The following STARD9 variants were observed in gnomAD, a reference collection of about 807,000 sequenced individuals.
STARD9 encodes StAR related lipid transfer domain containing 9.
A neutral mutation model predicts 399.8 loss-of-function variants in STARD9; 346 were observed. The observed-to-expected ratio is 0.87, with a 90% CI of 0.79 to 0.95. The LOEUF is 0.95. STARD9 is among the 40% of genes least tolerant of loss of function. The probability of loss-of-function intolerance (pLI) is 0.00; values close to 1 mark genes in which losing one functional copy is unlikely to be tolerated. For synonymous variants in STARD9, 2,203 were observed against 2,143.5 expected, an observed-to-expected ratio of 1.03 and a Z score of -0.77; for missense variants, 5,832 against 5,667.5, an observed-to-expected ratio of 1.03 and a Z score of -0.93.
In STARD9 at chr15:42,685,749, G is replaced by T. The variant is rs1235138729; in HGVS notation, c.4171G>T (p.Val1391Phe). The change falls in exon 23 of 33, where the codon GTT becomes TTT. Residue 1391 changes from valine (V) to phenylalanine (F), a missense_variant. Around this residue, in one of 2 missense-constraint regions of STARD9, gnomAD observed 5,828 missense variants for 5,651.1 expected, o/e 1.03. Coordinates refer to ENST00000290607, the MANE Select transcript of STARD9 (RefSeq NM_020759.3). ...ACTAAAGCCATCAGATGCAGAAACG[G>T]TTCTGCCATATAGCTCCAAACTGCA... Reference protein sequence around the residue: ...EELKPSDAETVLPYSSKLHQG... With the variant: ...EELKPSDAETFLPYSSKLHQG... The T allele has an allele frequency of 6.5e-7, 1 of 1,537,390 alleles. No homozygotes were observed. Among genetic ancestry groups the T allele is most frequent in the Non-Finnish European group, 8.7e-7 (1 of 1,146,944 alleles).
intron 3 of STARD9, among the ~76,000 whole-genome samples, chr15:42,590,108 G>A (rs2058365542): frequency 6.6e-6 from 1 of 151,754 alleles, no homozygotes; most frequent in East Asian, 1.9e-4. Flanking sequence ...CTACAGATAC[G>A]TGTGCCACCA....
chr15:42,694,000 A>G lies in STARD9; in HGVS notation c.12422A>G (p.Lys4141Arg). The change falls in exon 23 of 33, where the codon AAA (lysine) becomes AGA (arginine). Residue 4141 changes from lysine to arginine, a missense_variant. By Grantham distance (26) the Lys-to-Arg change is conservative (BLOSUM62 2). Coordinates refer to ENST00000290607, the MANE Select transcript of STARD9 (RefSeq NM_020759.3). Reference sequence around the variant, plus strand: ...CTGAGGGACCTCCCGGTGCATAACAAATTTAGTAACTGGTGTGGGGTTCAG... The same window carrying G: ...CTGAGGGACCTCCCGGTGCATAACAGATTTAGTAACTGGTGTGGGGTTCAG... ...HSLRDLPVHN[K>R]FSNWCGVQKG... is the part of the protein sequence containing the mutation. 6.6e-7 allele frequency: 1 copy of G among 1,517,994 alleles called. No homozygotes were observed. The highest frequency in any genetic ancestry group is 8.8e-7 in the Non-Finnish European group (1 of 1,136,538). 94.0% of individuals were successfully genotyped at this position (1,517,994 alleles called of 1,614,324 possible).
intron 16 of STARD9, among the ~76,000 whole-genome samples, chr15:42,673,718 G>A (rs1056939963): frequency 1.3e-5 from 2 of 152,110 alleles, no homozygotes; most frequent in Non-Finnish European, 2.9e-5. Context: ...TTAGCATCCC[G>A]GTTGCCATGT....
chr15:42,673,235 C>G (rs1382641265), intron 16 of STARD9: 1 of 152,146 alleles, frequency 6.6e-6, no homozygotes, highest in Non-Finnish European at 1.5e-5. Flanking sequence ...AACCCTGTCT[C>G]TACTAAAAAT....
At chr15:42,669,754 C>G (rs1469736654) in intron 16 of STARD9, 1 of 155,312 alleles carries the variant, frequency 6.4e-6, no homozygotes, top group Non-Finnish European at 1.4e-5. Flanking sequence ...ACAGACTGCT[C>G]AAAGGTGGCT....
intron 10 of STARD9, among the ~76,000 whole-genome samples, chr15:42,661,788 A>G (rs1207235118): frequency 6.6e-6 from 1 of 152,000 alleles, no homozygotes; most frequent in Non-Finnish European, 1.5e-5. Flanking sequence ...CCCCATACCT[A>G]CATCTCAGAT....
intron 3 of STARD9, among the ~76,000 whole-genome samples, chr15:42,626,426 T>C (rs370116985): frequency 2.9e-4 from 42 of 147,178 alleles, no homozygotes; most frequent in East Asian, 8.4e-4. Context: ...CCTCCTCCTC[T>C]TCTTCTTCTT....
chr15:42,586,328 A>G (rs2058276655), intron 3 of STARD9, among the ~76,000 whole-genome samples: 1 of 152,250 alleles, frequency 6.6e-6, no homozygotes, highest in South Asian at 2.1e-4. Context: ...GAATCTTATC[A>G]ATCTGCTGTT....
rs780123175 is a variant in STARD9 at position 42,634,961 on chromosome 15, C to A, written c.340C>A (p.Leu114Met). 5.9e-5 allele frequency: 91 copies of A among 1,530,880 alleles called. No individual in the cohort carries two copies. The highest frequency in any genetic ancestry group is 7.6e-5 in the Non-Finnish European group (87 of 1,141,938). The allele number at this position is 1,530,880 out of a possible 1,614,324, so 94.8% of individuals were successfully genotyped here. A position where few individuals can be genotyped will look rare whatever the true frequency, so the allele number is the denominator to read the frequency against. Residue 114 changes from leucine (L) to methionine (M), a missense_variant, in exon 4 of 33, where the codon CTG (leucine) becomes ATG (methionine). Coordinates refer to ENST00000290607, the MANE Select transcript of STARD9 (RefSeq NM_020759.3). Reference protein sequence around the residue: ...QTGSGKTYTMLGTPASVGLTP... With the variant: ...QTGSGKTYTMMGTPASVGLTP... ...AGGCTCTGGGAAGACATATACCATG[C>A]TGGGGACCCCAGTGAGTATTACAAT...
rs570324067 is a variant in STARD9 at position 42,682,276 on chromosome 15, G to A, written c.2238G>A (p.Val746=). The A allele has an allele frequency of 4.2e-4, 648 of 1,537,250 alleles. 4 individuals are homozygous for A. Among genetic ancestry groups the A allele is most frequent in the South Asian group, 2.0e-3 (168 of 84,062 alleles). The part of the protein sequence containing the change: ...SPFVQSQKRV[V]HLQLLRRHTL... ...TTGTCCAAAGTCAGAAAAGGGTGGTGCACCTGCAGCTCCTGCGGAGACACA... is the reference window on the plus strand; with the variant it reads ...TTGTCCAAAGTCAGAAAAGGGTGGTACACCTGCAGCTCCTGCGGAGACACA... Residue 746 remains valine, a synonymous_variant, in exon 22 of 33, where the codon GTG becomes GTA. Transcript: ENST00000290607.
intron 1 of STARD9, among the ~76,000 whole-genome samples, chr15:42,578,216 T>G (rs754869296): frequency 9.2e-5 from 14 of 151,952 alleles, no homozygotes; most frequent in Non-Finnish European, 1.6e-4. Context: ...GTTCAAGCGA[T>G]TCTCCTGCCC....
At chr15:42,674,285 A>G (rs909325829) in intron 16 of STARD9, among the ~76,000 whole-genome samples, 155 bp from the exon 17 acceptor site, 1 of 152,180 alleles carries the variant, frequency 6.6e-6, no homozygotes, top group Non-Finnish European at 1.5e-5. Context: ...AGCCGGGACC[A>G]AAGTTGAGAA....
chr15:42,665,127 A>G (rs1224227554), intron 13 of STARD9, 126 bp from the exon 14 acceptor site: 1 of 697,358 alleles, frequency 1.4e-6, no homozygotes, highest in Non-Finnish European at 2.4e-6. Context: ...CCACAACTTG[A>G]GAATGACTGC....
rs1463724049 is a variant in STARD9, at chr15:42,689,049, A to T, written c.7471A>T (p.Ser2491Cys). The stretch of plus-strand genomic sequence containing the variant: ...CTCTAGCCAGCCTGAAAAGAGGGTC[A>T]GCTTCTCCTTGGAAGAGGATAGTGA... ...KVSSQPEKRV[S>C]FSLEEDSDQA... The change falls in exon 23 of 33, where the codon AGC (serine) becomes TGC (cysteine). Residue 2491 changes from serine (S) to cysteine (C), a missense_variant. Around this residue, in one of 2 missense-constraint regions of STARD9, gnomAD observed 5,828 missense variants for 5,651.1 expected, o/e 1.03. Coordinates refer to ENST00000290607, the MANE Select transcript of STARD9 (RefSeq NM_020759.3). 6 of 1,537,318 alleles carry T rather than the reference A, an allele frequency of 3.9e-6. No homozygotes were observed. The highest frequency in any genetic ancestry group is 3.9e-5 in the Admixed American group (2 of 51,006).
Position 42,684,244 on chromosome 15 carries a change from G to A in STARD9, c.2666G>A (p.Cys889Tyr). 2 of 1,537,280 alleles carry A rather than the reference G, an allele frequency of 1.3e-6. No individual in the cohort carries two copies. The highest frequency in any genetic ancestry group is 2.4e-5 in the South Asian group (2 of 84,064). The part of the protein sequence containing the change: ...QAASYPARTG[C>Y]LRKNGLHSSG... ...GCTTCCTACCCTGCAAGGACAGGGT[G>A]CCTCCGCAAGAACGGCCTGCATTCC... is the stretch of plus-strand genomic sequence containing the variant. Residue 889 changes from cysteine to tyrosine, a missense_variant, in exon 23 of 33, where the codon TGC becomes TAC. Around this residue, in one of 2 missense-constraint regions of STARD9, gnomAD observed 5,828 missense variants for 5,651.1 expected, o/e 1.03. Transcript: ENST00000290607.
Position 42,675,855 on chromosome 15 carries a change from T to C in STARD9, c.1771-17T>C, listed in dbSNP as rs1164377679. 6.5e-7 allele frequency: 1 copy of C among 1,537,064 alleles called. No individual in the cohort carries two copies. Among genetic ancestry groups the C allele is most frequent in the Non-Finnish European group, 8.7e-7 (1 of 1,146,842 alleles). On this transcript the variant is annotated splice_polypyrimidine_tract_variant and intron_variant, in intron 19 of 32. Transcript: ENST00000290607. ...GGCGATGACAGCAGCCTCACTGTGC[T>C]TTCTTCCTTGTTCAAGGTTGGAGAG...
At position 42,688,238 on chromosome 15, in the gene STARD9, TAAG is replaced by T; in HGVS notation, c.6663_6665del (p.Lys2221del). ...TGCAACCCAGGCTAGAGAGGTCTTCTAAGAATAATGGCCAGTTTGTAAAAGCAT... is the reference window on the plus strand; with the variant it reads ...TGCAACCCAGGCTAGAGAGGTCTTCTAATAATGGCCAGTTTGTAAAAGCAT... On this transcript the variant is annotated inframe_deletion, in exon 23 of 33. Coordinates refer to ENST00000290607, the MANE Select transcript of STARD9 (RefSeq NM_020759.3). 1 of 1,537,542 alleles carries T rather than the reference TAAG, an allele frequency of 6.5e-7. No individual in the cohort carries two copies. Among genetic ancestry groups the T allele is most frequent in the Non-Finnish European group, 8.7e-7 (1 of 1,146,996 alleles).
intron 15 of STARD9, among the ~76,000 whole-genome samples, chr15:42,666,135 AT>A (rs1394744820): frequency 1.3e-5 from 2 of 152,172 alleles, no homozygotes; most frequent in Non-Finnish European, 2.9e-5. Context: ...GTCAACCAAG[AT>A]GTATTCATTG....
At chr15:42,658,288 GGTGT>G (rs56286330) in intron 9 of STARD9, among the ~76,000 whole-genome samples, 10,991 of 145,290 alleles carry the variant, frequency 0.076, 913 homozygotes, top group African/African-American at 0.21. Flanking sequence ...GGGACTTACA[GGTGT>G]GTGTGTGTGT....
Sources: allele counts gnomAD v4.1 joint callset (sites outside exome capture counted in the v4.1 genomes callset), GRCh38; gene constraint gnomAD v4.1.1; regional missense constraint gnomAD v4.1.1; transcripts MANE v1.5; gene names NCBI Gene and HGNC (gene_info 2026-07-23, HGNC 2026-07-21).